The following TJP2 variants were observed in gnomAD, a reference collection of about 807,000 sequenced individuals.
TJP2 encodes tight junction protein 2.
TJP2 carries 91 observed loss-of-function variants against 133.1 expected under a neutral mutation model. That is an observed-to-expected ratio of 0.68 (90% CI 0.58 to 0.81). The LOEUF (loss-of-function observed/expected upper bound fraction) is 0.81. Ranked by LOEUF, TJP2 falls within the 40% of genes least tolerant of loss-of-function variation. TJP2 has a pLI of 0.00. For missense variants in TJP2, 1,541 were observed against 1,565.6 expected (o/e 0.98, Z 0.26); for synonymous variants, 592 against 583.4 (o/e 1.01, Z -0.21).
Position 69,158,916 on chromosome 9 carries a change from T to C in TJP2, c.-10+7145T>C, listed in dbSNP as rs1823911304. On this transcript the variant is annotated intron_variant, in intron 2 of 5. Transcript: ENST00000423935. ...AAAACTTTTCAGTTCAGTCAAAATTTTTATTCATTTAGAGGTAATCTGATT... is the reference window on the plus strand; with the variant it reads ...AAAACTTTTCAGTTCAGTCAAAATTCTTATTCATTTAGAGGTAATCTGATT... 3.3e-5 allele frequency among the ~76,000 whole-genome samples: 5 copies of C among 152,110 alleles called. 1 individual carries two copies. Among genetic ancestry groups the C allele is most frequent in the Admixed American group, 3.3e-4 (5 of 15,264 alleles).
chr9:69,191,796 G>T (rs1022464282), intron 1 of TJP2, among the ~76,000 whole-genome samples: 4 of 151,938 alleles, frequency 2.6e-5, no homozygotes, highest in Non-Finnish European at 4.4e-5. Flanking sequence ...GAGTGCAGTG[G>T]CATGATCTCA....
chr9:69,214,446 G>A (rs564568796), intron 2 of TJP2, among the ~76,000 whole-genome samples: 1 of 152,242 alleles, frequency 6.6e-6, no homozygotes, highest in Non-Finnish European at 1.5e-5. Context: ...GCTCACCATT[G>A]TGCATTGCTA....
intron 1 of TJP2, among the ~76,000 whole-genome samples, chr9:69,127,242 T>C (rs1206369802): frequency 1.3e-5 from 1 of 74,892 alleles, no homozygotes; most frequent in Non-Finnish European, 3.1e-5. Context: ...GCTAATTTTT[T>C]GTATTTTTAG....
chr9:69,133,692 C>T (rs182381020), intron 1 of TJP2, among the ~76,000 whole-genome samples: 5 of 151,844 alleles, frequency 3.3e-5, no homozygotes, highest in African/African-American at 1.2e-4. Context: ...GCTGGGACTA[C>T]AGCGTGCACC....
At chr9:69,190,538 A>G (rs1350354343) in intron 1 of TJP2, among the ~76,000 whole-genome samples, 4 of 152,252 alleles carry the variant, frequency 2.6e-5, no homozygotes, top group Non-Finnish European at 4.4e-5. Flanking sequence ...AAATACAAGG[A>G]AATAAATAAC....
chr9:69,218,588 C>T lies in TJP2; in HGVS notation c.342+229C>T, dbSNP rs1828567330. On this transcript the variant is annotated intron_variant, in intron 4 of 22. Coordinates refer to ENST00000377245, the MANE Select transcript of TJP2 (RefSeq NM_004817.4). Reference sequence around the variant, plus strand: ...GATTCTCTGATCTGAGTTAGTTTGCCTTAGGAACCAAGTTAGGCAATTATT... The same window carrying T: ...GATTCTCTGATCTGAGTTAGTTTGCTTTAGGAACCAAGTTAGGCAATTATT... 3 of 545,910 alleles carry T rather than the reference C, an allele frequency of 5.5e-6. No homozygotes were observed. In the Admixed American group the frequency reaches 8.9e-5, roughly 16 times the overall value. The allele number at this position is 545,910 out of a possible 1,614,324, so 33.8% of individuals were successfully genotyped here. A position where few individuals can be genotyped will look rare whatever the true frequency, so the allele number is the denominator to read the frequency against.
chr9:69,134,628 C>G (rs1418380599), intron 1 of TJP2, among the ~76,000 whole-genome samples: 1 of 152,136 alleles, frequency 6.6e-6, no homozygotes, highest in Non-Finnish European at 1.5e-5. Flanking sequence ...TCAAGCAAGA[C>G]AAACTGGGTT....
chr9:69,138,771 G>A (rs534095931), intron 1 of TJP2, among the ~76,000 whole-genome samples: 20 of 152,022 alleles, frequency 1.3e-4, no homozygotes, highest in African/African-American at 4.8e-4. Context: ...TACAAAATTA[G>A]CCAGGCATGG....
chr9:69,214,556 G>A (rs10283782), intron 2 of TJP2, among the ~76,000 whole-genome samples: 58,757 of 151,918 alleles, frequency 0.39, 12,162 homozygotes, highest in East Asian at 0.63. Flanking sequence ...CATATTTTAC[G>A]TTCAAATTTT....
At chr9:69,202,261 C>T (rs1827048049) in intron 1 of TJP2, among the ~76,000 whole-genome samples, 1 of 152,132 alleles carries the variant, frequency 6.6e-6, no homozygotes, top group Admixed American at 6.5e-5. Context: ...TTAGCTCAGT[C>T]CCTCCAGCCC....
intron 2 of TJP2, among the ~76,000 whole-genome samples, chr9:69,160,616 T>G (rs1358006415): frequency 1.3e-5 from 2 of 152,172 alleles, no homozygotes; most frequent in Admixed American, 1.3e-4. Flanking sequence ...GAAAACATAG[T>G]GAGAAGCAAG....
chr9:69,170,586 T>C (rs1587958030), upstream of TJP2, among the ~76,000 whole-genome samples: 1 of 152,224 alleles, frequency 6.6e-6, no homozygotes, highest in African/African-American at 2.4e-5. Context: ...TCCAGTCGTA[T>C]CTTTCCATTG....
At chr9:69,181,104 T>G (rs1825463480) in intron 1 of TJP2, among the ~76,000 whole-genome samples, 1 of 152,166 alleles carries the variant, frequency 6.6e-6, no homozygotes, top group Admixed American at 6.5e-5. Context: ...ATTGCGAATT[T>G]CATCCAGAGA....
rs72709091 is a variant in TJP2 at position 69,246,348 on chromosome 9, C to T, written c.2567-342C>T. Reference sequence around the variant, plus strand: ...TACTAATTAGTGTATACACCTCAGCCTCCCAGAGTGCTGAGATTACAGGCA... The same window carrying T: ...TACTAATTAGTGTATACACCTCAGCTTCCCAGAGTGCTGAGATTACAGGCA... On this transcript the variant is annotated intron_variant, in intron 17 of 22. Coordinates refer to ENST00000377245, the MANE Select transcript of TJP2 (RefSeq NM_004817.4). The T allele has an allele frequency of 0.025, 9,042 of 366,236 alleles. 161 individuals are homozygous for T. Among genetic ancestry groups the T allele is most frequent in the Non-Finnish European group, 0.037 (6,985 of 189,562 alleles). 22.7% of individuals were successfully genotyped at this position (366,236 alleles called of 1,614,324 possible). A position where few individuals can be genotyped will look rare whatever the true frequency, so the allele number is the denominator to read the frequency against.
At chr9:69,132,890 G>A (rs1470410947) in intron 1 of TJP2, among the ~76,000 whole-genome samples, 2 of 152,190 alleles carry the variant, frequency 1.3e-5, no homozygotes, top group Non-Finnish European at 2.9e-5. Flanking sequence ...CTTATTACCT[G>A]TGTGCCTTGG....
chr9:69,243,124 A>G (rs557117243), intron 17 of TJP2, among the ~76,000 whole-genome samples: 2 of 152,148 alleles, frequency 1.3e-5, no homozygotes, highest in African/African-American at 2.4e-5. Flanking sequence ...TTGGCCTCCT[A>G]AAATGCTGGG....
intron 1 of TJP2, among the ~76,000 whole-genome samples, chr9:69,128,989 C>T (rs192340913): frequency 1.2e-4 from 19 of 152,264 alleles, no homozygotes; most frequent in Admixed American, 2.0e-4. Context: ...GAATTTATTG[C>T]GGCTTAGGCC....
At chr9:69,226,231 C>A in intron 7 of TJP2, 56 bp downstream of exon 7, 1 of 1,574,992 alleles carries the variant, frequency 6.3e-7, no homozygotes, top group Non-Finnish European at 8.7e-7. Flanking sequence ...TGTTGCTTCC[C>A]CATTCTTCTA....
intron 1 of TJP2, among the ~76,000 whole-genome samples, chr9:69,188,626 T>C (rs1381967160): frequency 6.6e-6 from 1 of 152,168 alleles, no homozygotes; most frequent in Non-Finnish European, 1.5e-5. Flanking sequence ...TCAAGAGATG[T>C]CTTCATTCAT....
Sources: gnomAD v4.1 joint callset for allele counts (sites outside exome capture counted in the v4.1 genomes callset) on GRCh38, gnomAD v4.1.1 for gene constraint, MANE v1.5 for transcripts, NCBI Gene and HGNC (gene_info 2026-07-23, HGNC 2026-07-21) for gene names.